Variants in CST7 observed in about 807,000 individuals in gnomAD.
CST7 encodes the protein cystatin F.
A neutral mutation model predicts 13.1 loss-of-function variants in CST7; 15 were observed. The ratio of observed to expected loss-of-function variants is 1.14; its 90% CI spans 0.77 to 1.76. The LOEUF (loss-of-function observed/expected upper bound fraction) is 1.76. CST7 is among the 40% of genes most tolerant of loss of function. The pLI, the probability that CST7 is intolerant of heterozygous loss-of-function variation, is 0.00. For missense variants in CST7, 193 were observed against 178.8 expected (o/e 1.08, Z -0.45); for synonymous variants, 75 against 66.9 (o/e 1.12, Z -0.59).
intron 1 of CST7, among the ~76,000 whole-genome samples, chr20:24,951,328 T>TGG (rs1366306309): frequency 5.3e-5 from 8 of 152,114 alleles, no homozygotes; most frequent in African/African-American, 1.9e-4. Flanking sequence ...TGGAGGCACA[T>TGG]GGGGCATGGG....
intron 1 of CST7, among the ~76,000 whole-genome samples, chr20:24,951,538 C>A (rs2087818756): frequency 6.6e-6 from 1 of 152,188 alleles, no homozygotes; most frequent in Admixed American, 6.5e-5. Context: ...GAACCTGGGC[C>A]CCAGACACAA....
chr20:24,950,520 C>T (rs914632589), intron 1 of CST7, among the ~76,000 whole-genome samples: 3 of 152,180 alleles, frequency 2.0e-5, no homozygotes, highest in South Asian at 2.1e-4. Flanking sequence ...TGGCCTAGGG[C>T]GGACGCTGCG....
chr20:24,955,481 G>A (rs1055934974), intron 1 of CST7, among the ~76,000 whole-genome samples: 4 of 140,898 alleles, frequency 2.8e-5, no homozygotes, highest in Admixed American at 7.6e-5. Flanking sequence ...ACGGAGTCTC[G>A]CTCTGTTGCC....
intron 1 of CST7, among the ~76,000 whole-genome samples, chr20:24,952,196 C>A (rs539667323): frequency 1.3e-5 from 2 of 152,352 alleles, no homozygotes; most frequent in East Asian, 3.9e-4. Flanking sequence ...CATTTATTGA[C>A]AAGTGCTTCG....
At chr20:24,956,651 T>G (rs908457918) in intron 1 of CST7, among the ~76,000 whole-genome samples, 4 of 152,014 alleles carry the variant, frequency 2.6e-5, no homozygotes, top group African/African-American at 2.4e-5. Context: ...GGGTACCAAG[T>G]GCTGCAGGCT....
intron 2 of CST7, 129 bp from the exon 3 acceptor site, chr20:24,958,799 C>T (rs763163072): frequency 1.4e-6 from 1 of 706,228 alleles, no homozygotes; most frequent in Non-Finnish European, 2.5e-6. Context: ...AGCATTGCCC[C>T]AAGATGCTGG....
Position 24,957,456 on chromosome 20 carries a change from T to G in CST7, c.240T>G (p.Val80=). ...FKESRITRAL[V]QIVKGLKYML... is the part of the protein sequence containing the mutation. ...AGTCCCGCATCACAAGGGCCCTAGT[T>G]CAGGTAACGGTCTGGGTTCTGGTCA... is the stretch of plus-strand genomic sequence containing the variant. Residue 80 remains valine, a synonymous_variant, in exon 2 of 4, where the codon GTT becomes GTG. Transcript: ENST00000480798. 1 of 1,613,292 alleles carries G rather than the reference T, an allele frequency of 6.2e-7. No homozygotes were observed. Among genetic ancestry groups the G allele is most frequent in the Non-Finnish European group, 8.5e-7 (1 of 1,179,556 alleles).
intron 1 of CST7, among the ~76,000 whole-genome samples, chr20:24,950,714 T>G (rs2087813878): frequency 6.6e-6 from 1 of 152,110 alleles, no homozygotes; most frequent in Non-Finnish European, 1.5e-5. Context: ...GGGAGCCTTC[T>G]TAGCTCACGC....
intron 1 of CST7, 70 bp from the exon 2 acceptor site, chr20:24,957,217 T>G: frequency 2.9e-5 from 44 of 1,491,794 alleles, no homozygotes; most frequent in South Asian, 3.7e-5. Flanking sequence ...CACAGAGGCA[T>G]GAGGCGTGAC....
chr20:24,959,008 T>C lies in CST7; in HGVS notation c.324T>C (p.Asp108=). ...AGAAAAACCAGCACCTGCGTCTGGATGACTGTGACTTCCAAACCAACCACA... is the reference window on the plus strand; with the variant it reads ...AGAAAAACCAGCACCTGCGTCTGGACGACTGTGACTTCCAAACCAACCACA... ...TCKKNQHLRL[D]DCDFQTNHTL... The change falls in exon 3 of 4, where the codon GAT becomes GAC. Residue 108 remains aspartate (D), a synonymous_variant. Transcript: ENST00000480798. The C allele has an allele frequency of 1.2e-6, 2 of 1,613,978 alleles. No homozygotes were observed. The highest frequency in any genetic ancestry group is 1.7e-6 in the Non-Finnish European group (2 of 1,179,862).
In CST7 at chr20:24,949,474, A is replaced by T. The variant is rs563582293; in HGVS notation, c.-32A>T. On this transcript the variant is annotated 5_prime_UTR_variant, in exon 1 of 4. Coordinates refer to ENST00000480798, the MANE Select transcript of CST7 (RefSeq NM_003650.4). ...GAGAAGGCACTGCACGGCCACCCCCAACTGCCCCGCACTGTCCCTACCCGG... is the reference window on the plus strand; with the variant it reads ...GAGAAGGCACTGCACGGCCACCCCCTACTGCCCCGCACTGTCCCTACCCGG... The T allele has an allele frequency of 6.8e-6, 11 of 1,613,786 alleles. No individual in the cohort carries two copies. In the South Asian group the frequency reaches 1.1e-4, roughly 16 times the overall value.
chr20:24,950,929 T>C (rs1367936364), intron 1 of CST7, among the ~76,000 whole-genome samples: 1 of 152,142 alleles, frequency 6.6e-6, no homozygotes, highest in Non-Finnish European at 1.5e-5. Flanking sequence ...GGAGGGGACA[T>C]GGAGCCAGCT....
At chr20:24,951,898 C>A (rs930706161) in intron 1 of CST7, among the ~76,000 whole-genome samples, 1 of 152,240 alleles carries the variant, frequency 6.6e-6, no homozygotes, top group Non-Finnish European at 1.5e-5. Context: ...TCTGCCCCCT[C>A]CACTCTAGCT....
In CST7 at chr20:24,959,010, A is replaced by G. The variant is rs779884917; in HGVS notation, c.326A>G (p.Asp109Gly). Reference sequence around the variant, plus strand: ...AAAAACCAGCACCTGCGTCTGGATGACTGTGACTTCCAAACCAACCACACC... The same window carrying G: ...AAAAACCAGCACCTGCGTCTGGATGGCTGTGACTTCCAAACCAACCACACC... ...CKKNQHLRLD[D>G]CDFQTNHTLK... Residue 109 changes from aspartate to glycine, a missense_variant, in exon 3 of 4, where the codon GAC becomes GGC. Asp to Gly is a moderately conservative substitution (Grantham distance 94). Coordinates refer to ENST00000480798, the MANE Select transcript of CST7 (RefSeq NM_003650.4). 4 of 1,613,964 alleles carry G rather than the reference A, an allele frequency of 2.5e-6. No homozygotes were observed. In the African/African-American group the frequency reaches 5.3e-5, roughly 22 times the overall value.
Position 24,957,374 on chromosome 20 carries a change from C to A in CST7, c.158C>A (p.Ala53Asp), listed in dbSNP as rs1470386971. 1 of 1,613,744 alleles carries A rather than the reference C, an allele frequency of 6.2e-7. No individual in the cohort carries two copies. The highest frequency in any genetic ancestry group is 8.5e-7 in the Non-Finnish European group (1 of 1,179,784). ...AATGACCCAGGAGTCCTCCAAGCAGCCAGATACAGTGTTGAAAAGTTCAAC... is the reference window on the plus strand; with the variant it reads ...AATGACCCAGGAGTCCTCCAAGCAGACAGATACAGTGTTGAAAAGTTCAAC... ...KTNDPGVLQA[A>D]RYSVEKFNNC... Residue 53 changes from alanine to aspartate, a missense_variant, in exon 2 of 4, where the codon GCC (alanine) becomes GAC (aspartate). Transcript: ENST00000480798.
intron 1 of CST7, among the ~76,000 whole-genome samples, chr20:24,956,934 C>G (rs1352184046): frequency 8.5e-6 from 1 of 118,116 alleles, no homozygotes; most frequent in Non-Finnish European, 1.8e-5. Context: ...CACCCCCTGG[C>G]ACCTGGTCCT....
chr20:24,955,849 A>G (rs2087850538), intron 1 of CST7, among the ~76,000 whole-genome samples: 1 of 152,214 alleles, frequency 6.6e-6, no homozygotes, highest in Non-Finnish European at 1.5e-5. Context: ...GCTATCCACC[A>G]GCACACAGGA....
rs1022803464 is a variant in CST7 at position 24,954,555 on chromosome 20, ATAGGTTTGAC to A, written c.71-2730_71-2721del. 1.1e-4 allele frequency among the ~76,000 whole-genome samples: 17 copies of A among 152,370 alleles called. No individual in the cohort carries two copies. The South Asian group carries it at 2.7e-3, about 24-fold the overall frequency. The stretch of plus-strand genomic sequence containing the variant: ...TTTCTCTAAACAAATCATCCTAAAA[ATAGGTTTGAC>A]TTTTAAACAATTTTAAATTAAAAAC... On this transcript the variant is annotated intron_variant, in intron 1 of 3. Coordinates refer to ENST00000480798, the MANE Select transcript of CST7 (RefSeq NM_003650.4).
chr20:24,952,726 G>C (rs6138431), intron 1 of CST7, among the ~76,000 whole-genome samples: 74,961 of 152,088 alleles, frequency 0.49, 19,713 homozygotes, highest in East Asian at 0.92. Flanking sequence ...GGCACCCCCT[G>C]AGGTGACACA....
Sources: gnomAD v4.1 joint callset for allele counts (sites outside exome capture counted in the v4.1 genomes callset) on GRCh38, gnomAD v4.1.1 for gene constraint, MANE v1.5 for transcripts, NCBI Gene and HGNC (gene_info 2026-07-23, HGNC 2026-07-21) for gene names.